The following SLC4A4 variants were observed in gnomAD, a reference collection of about 807,000 sequenced individuals.
The protein encoded by SLC4A4 is solute carrier family 4 member 4, also known as electrogenic sodium bicarbonate cotransporter 1.
A neutral mutation model predicts 111.5 loss-of-function variants in SLC4A4; 27 were observed. The observed-to-expected ratio is 0.24, with a 90% confidence interval of 0.18 to 0.33. The LOEUF (loss-of-function observed/expected upper bound fraction) is 0.33, where lower values mean the gene tolerates loss of function less well. Among genes scored for constraint, SLC4A4 ranks in the 10% least tolerant of loss-of-function variants. The pLI is 1.00. For missense variants in SLC4A4, 909 were observed against 1,315.5 expected (o/e 0.69, Z 4.78); for synonymous variants, 443 against 463.4 (o/e 0.96, Z 0.57).
In SLC4A4 at chr4:71,387,043, C is replaced by T. The variant is rs1718803073; in HGVS notation, c.731-10534C>T. ...CCCTGCAGTGTAAATGCTTTGGCTTCTGGGTATTCTGCCCAATGGGGTAGT... is the reference window on the plus strand; with the variant it reads ...CCCTGCAGTGTAAATGCTTTGGCTTTTGGGTATTCTGCCCAATGGGGTAGT... On this transcript the variant is annotated intron_variant, in intron 6 of 25. Transcript: ENST00000264485. Among the ~76,000 whole-genome samples, 3 of 152,298 alleles carry T rather than the reference C, an allele frequency of 2.0e-5. No homozygotes were observed. The South Asian group carries it at 6.2e-4, about 32-fold the overall frequency.
intron 6 of SLC4A4, among the ~76,000 whole-genome samples, chr4:71,366,671 G>A (rs1334580302): frequency 6.6e-6 from 1 of 152,104 alleles, no homozygotes; most frequent in Non-Finnish European, 1.5e-5. Context: ...TGTAAAAGAG[G>A]TATGGTGAAA....
At chr4:71,123,223 T>C (rs1379393112) in intron 2 of SLC4A4, among the ~76,000 whole-genome samples, 1 of 152,086 alleles carries the variant, frequency 6.6e-6, no homozygotes, top group East Asian at 1.9e-4. Context: ...TATAAAACAA[T>C]ATAAGAGCTA....
At chr4:71,374,636 G>C (rs141765331) in intron 6 of SLC4A4, among the ~76,000 whole-genome samples, 1 of 152,126 alleles carries the variant, frequency 6.6e-6, no homozygotes, top group East Asian at 1.9e-4. Context: ...ATATTATGCT[G>C]ACTTTAGACA....
rs962087119 is a variant in SLC4A4, at chr4:71,236,106, T to G, written c.-1-470T>G. On this transcript the variant is annotated intron_variant, in intron 1 of 25. Coordinates refer to ENST00000264485, the MANE Select transcript of SLC4A4 (RefSeq NM_001098484.3). ...CTGTCGCTCTCTGCGTGTGGGTGGG[T>G]GTGCATGTGTGTGTGTGTGAGGGTA... 10 of 1,010,852 alleles carry G rather than the reference T, an allele frequency of 9.9e-6. No individual in the cohort carries two copies. In the African/African-American group the frequency reaches 1.6e-4, roughly 16 times the overall value. The allele number at this position is 1,010,852 out of a possible 1,614,324, so 62.6% of individuals were successfully genotyped here.
At chr4:71,092,200 G>T (rs1560714876) in intron 1 of SLC4A4, among the ~76,000 whole-genome samples, 1 of 152,174 alleles carries the variant, frequency 6.6e-6, no homozygotes, top group Non-Finnish European at 1.5e-5. Context: ...AAACTGTTCA[G>T]TAAGGATCAC....
chr4:71,246,744 C>T (rs1720685990), intron 2 of SLC4A4, among the ~76,000 whole-genome samples: 1 of 70,942 alleles, frequency 1.4e-5, no homozygotes, highest in African/African-American at 2.8e-5. Flanking sequence ...ATTCTTTTGG[C>T]TGTTTTTTCC....
At chr4:71,450,600 T>A in intron 10 of SLC4A4, 57 bp downstream of exon 10, 1 of 1,531,648 alleles carries the variant, frequency 6.5e-7, no homozygotes, top group South Asian at 1.2e-5. Context: ...AGAAGGAGGT[T>A]GTGTTAAAAA....
At chr4:71,347,689 A>T (rs926953785) in intron 4 of SLC4A4, among the ~76,000 whole-genome samples, 6 of 152,158 alleles carry the variant, frequency 3.9e-5, no homozygotes, top group African/African-American at 1.4e-4. Context: ...TATATAAGTG[A>T]GGCTTAGTTT....
chr4:71,354,787 G>A (rs929850775), intron 5 of SLC4A4, among the ~76,000 whole-genome samples: 1 of 152,134 alleles, frequency 6.6e-6, no homozygotes, highest in Admixed American at 6.5e-5. Flanking sequence ...TGGGAGTTTT[G>A]CCTCTAATCA....
chr4:71,408,030 C>T (rs1325812349), intron 7 of SLC4A4, among the ~76,000 whole-genome samples: 2 of 152,006 alleles, frequency 1.3e-5, no homozygotes, highest in Non-Finnish European at 2.9e-5. Flanking sequence ...AAATTTTGTT[C>T]TGGTAAGAGG....
intron 16 of SLC4A4, among the ~76,000 whole-genome samples, chr4:71,523,787 A>C (rs1268709670): frequency 6.6e-6 from 1 of 152,122 alleles, no homozygotes; most frequent in African/African-American, 2.4e-5. Context: ...TTGTAAAACC[A>C]TCTTCTTTTT....
At chr4:71,404,217 A>G (rs1292917008) in intron 7 of SLC4A4, among the ~76,000 whole-genome samples, 1 of 152,150 alleles carries the variant, frequency 6.6e-6, no homozygotes, top group African/African-American at 2.4e-5. Context: ...GGCTAACATG[A>G]GGCATGCCAA....
intron 2 of SLC4A4, among the ~76,000 whole-genome samples, chr4:71,168,313 C>G (rs1744839987): frequency 6.6e-6 from 1 of 151,250 alleles, no homozygotes; most frequent in African/African-American, 2.4e-5. Flanking sequence ...TCCCAAGTAG[C>G]TGGAATTCCA....
Position 71,569,503 on chromosome 4 carries a change from T to A in SLC4A4, c.*1752T>A, listed in dbSNP as rs1737773008. 2 of 151,804 alleles carry A rather than the reference T, an allele frequency of 1.3e-5. No individual in the cohort carries two copies. The highest frequency in any genetic ancestry group is 4.1e-4 in the South Asian group (2 of 4,824). 9.4% of individuals were successfully genotyped at this position (151,804 alleles called of 1,614,324 possible). On this transcript the variant is annotated 3_prime_UTR_variant, in exon 26 of 26. Coordinates refer to ENST00000264485, the MANE Select transcript of SLC4A4 (RefSeq NM_001098484.3). The stretch of plus-strand genomic sequence containing the variant: ...GAAAATTAGACATTTATTAACCAAA[T>A]TTAACGTGGTATTTAAAGGTAATAT...
intron 3 of SLC4A4, among the ~76,000 whole-genome samples, chr4:71,329,598 T>C (rs560157650): frequency 1.3e-5 from 2 of 152,264 alleles, no homozygotes; most frequent in South Asian, 4.1e-4. Flanking sequence ...GGAATTACTT[T>C]CTTGATTTCT....
At chr4:71,407,201 G>A (rs1720937509) in intron 7 of SLC4A4, among the ~76,000 whole-genome samples, 1 of 152,076 alleles carries the variant, frequency 6.6e-6, no homozygotes, top group Non-Finnish European at 1.5e-5. Context: ...CAAACATCAT[G>A]CTGAATAGGC....
chr4:71,255,090 A>G (rs1434161516), intron 2 of SLC4A4, 130 bp from the exon 3 acceptor site: 2 of 936,598 alleles, frequency 2.1e-6, no homozygotes, highest in Non-Finnish European at 1.7e-6. Context: ...TTATTTTTCT[A>G]GAGTTTGCCA....
intron 3 of SLC4A4, among the ~76,000 whole-genome samples, chr4:71,317,864 T>C (rs1726814802): frequency 6.6e-6 from 1 of 152,096 alleles, no homozygotes; most frequent in South Asian, 2.1e-4. Context: ...CATATATGAA[T>C]ATAGAAATAA....
chr4:71,190,110 A>G (rs1745659848), intron 1 of SLC4A4, among the ~76,000 whole-genome samples: 1 of 152,192 alleles, frequency 6.6e-6, no homozygotes, highest in Non-Finnish European at 1.5e-5. Context: ...GTAAGACTTT[A>G]CAAAACTGGA....
Sources: allele counts gnomAD v4.1 joint callset (sites outside exome capture counted in the v4.1 genomes callset), GRCh38; gene constraint gnomAD v4.1.1; transcripts MANE v1.5; gene names NCBI Gene and HGNC (gene_info 2026-07-23, HGNC 2026-07-21).